The following GOLGA4 variants were observed in gnomAD, a reference collection of about 807,000 sequenced individuals.
GOLGA4 encodes the protein golgin A4, also known as golgin subfamily A member 4.
A neutral mutation model predicts 265.9 loss-of-function variants in GOLGA4; 169 were observed. The ratio of observed to expected loss-of-function variants is 0.64; its 90% CI spans 0.56 to 0.72. The LOEUF (loss-of-function observed/expected upper bound fraction) is 0.72. Among genes scored for constraint, GOLGA4 ranks in the 30% least tolerant of loss-of-function variants. GOLGA4 has a pLI of 0.00. For missense variants in GOLGA4, 2,482 were observed against 2,483.4 expected (o/e 1.00, Z 0.01); for synonymous variants, 923 against 855.8 (o/e 1.08, Z -1.37).
intron 22 of GOLGA4, among the ~76,000 whole-genome samples, chr3:37,355,914 C>G (rs1489606802): frequency 6.6e-6 from 1 of 151,956 alleles, no homozygotes; most frequent in Non-Finnish European, 1.5e-5. Context: ...CCCTTCTCCT[C>G]CCAATCTCTT....
chr3:37,342,071 G>C (rs999899680), intron 20 of GOLGA4, among the ~76,000 whole-genome samples: 1 of 152,052 alleles, frequency 6.6e-6, no homozygotes, highest in African/African-American at 2.4e-5. Flanking sequence ...GGCCGGGTGG[G>C]GTGGCTCATG....
intron 23 of GOLGA4, among the ~76,000 whole-genome samples, chr3:37,364,624 C>A (rs1384797085): frequency 6.8e-6 from 1 of 146,260 alleles, no homozygotes; most frequent in East Asian, 2.1e-4. Flanking sequence ...CCAGCATGGT[C>A]ACACCAGCCT....
At chr3:37,281,440 T>C (rs1480120320) in intron 2 of GOLGA4, among the ~76,000 whole-genome samples, 1 of 152,128 alleles carries the variant, frequency 6.6e-6, no homozygotes, top group Non-Finnish European at 1.5e-5. Context: ...CCAATTCCCC[T>C]CTTTTCTTGG....
intron 12 of GOLGA4, 32 bp from the exon 13 acceptor site, chr3:37,321,694 TGTGCG>T: frequency 6.4e-7 from 1 of 1,560,018 alleles, no homozygotes; most frequent in Non-Finnish European, 8.7e-7. Context: ...TGAAGATTTA[TGTGCG>T]TTTAAGGTGG....
At chr3:37,336,160 G>T (rs758788483) in intron 17 of GOLGA4, among the ~76,000 whole-genome samples, 1 of 152,074 alleles carries the variant, frequency 6.6e-6, no homozygotes, top group Non-Finnish European at 1.5e-5. Context: ...AAGCTGAGAG[G>T]ACCATTTTCT....
At chr3:37,347,532 G>A (rs1247302896) in intron 21 of GOLGA4, among the ~76,000 whole-genome samples, 3 of 152,016 alleles carry the variant, frequency 2.0e-5, no homozygotes, top group African/African-American at 4.8e-5. Context: ...AACACTGAAC[G>A]CTAAACATTA....
intron 10 of GOLGA4, among the ~76,000 whole-genome samples, chr3:37,308,571 G>A (rs1248809545): frequency 6.6e-6 from 1 of 150,700 alleles, no homozygotes; most frequent in Non-Finnish European, 1.5e-5. Flanking sequence ...TATTTATGTG[G>A]GTTATATGTA....
At chr3:37,275,448 T>C (rs939115992) in intron 2 of GOLGA4, among the ~76,000 whole-genome samples, 1 of 152,130 alleles carries the variant, frequency 6.6e-6, no homozygotes, top group African/African-American at 2.4e-5. Flanking sequence ...TTTCTATAAG[T>C]GCCATGAAGT....
intron 1 of GOLGA4, among the ~76,000 whole-genome samples, chr3:37,246,485 T>C (rs1281126084): frequency 3.3e-5 from 5 of 152,306 alleles, no homozygotes; most frequent in Non-Finnish European, 7.4e-5. Context: ...TTCAAGTACT[T>C]CTAAAACTTA....
At chr3:37,261,357 T>G (rs1040263837) in intron 2 of GOLGA4, among the ~76,000 whole-genome samples, 1 of 152,088 alleles carries the variant, frequency 6.6e-6, no homozygotes. Context: ...TAAAAAACAT[T>G]GAGACATGTA....
intron 1 of GOLGA4, among the ~76,000 whole-genome samples, chr3:37,247,847 C>T (rs549282594): frequency 6.6e-6 from 1 of 152,304 alleles, no homozygotes; most frequent in East Asian, 1.9e-4. Flanking sequence ...CTACCAGCAG[C>T]TCCTTGCCAC....
intron 6 of GOLGA4, among the ~76,000 whole-genome samples, chr3:37,295,698 C>A (rs1422814348): frequency 2.0e-5 from 3 of 152,138 alleles, no homozygotes; most frequent in African/African-American, 2.4e-5. Context: ...AAATAAAGTA[C>A]AATAAGCCAT....
At chr3:37,254,760 C>A (rs2096743829) in intron 2 of GOLGA4, among the ~76,000 whole-genome samples, 1 of 150,872 alleles carries the variant, frequency 6.6e-6, no homozygotes, top group Non-Finnish European at 1.5e-5. Context: ...CCTCGGCCTC[C>A]CAAAGTGCTG....
At chr3:37,256,069 G>T (rs2096747839) in intron 2 of GOLGA4, among the ~76,000 whole-genome samples, 1 of 152,164 alleles carries the variant, frequency 6.6e-6, no homozygotes, top group Admixed American at 6.5e-5. Flanking sequence ...ATGGTGTGAA[G>T]TAGGGATCAA....
chr3:37,296,381 A>C (rs1258684899), intron 7 of GOLGA4, among the ~76,000 whole-genome samples, 162 bp downstream of exon 7: 1 of 152,178 alleles, frequency 6.6e-6, no homozygotes, highest in Non-Finnish European at 1.5e-5. Flanking sequence ...ACCCTTCTCC[A>C]CAAGAAAAAC....
In GOLGA4 at chr3:37,296,242, G is replaced by C. The variant is rs745894338; in HGVS notation, c.814+23G>C. On this transcript the variant is annotated intron_variant, in intron 7 of 23. Transcript: ENST00000361924. ...TAGGTAAGCTTCATTTTGTCAAAAG[G>C]TTAATTTAAAAACTAGAGGAGAGCC... 1.9e-6 allele frequency: 3 copies of C among 1,612,428 alleles called. No individual in the cohort carries two copies. In the African/African-American group the frequency reaches 4.0e-5, roughly 22 times the overall value.
chr3:37,319,358 C>T, intron 12 of GOLGA4, 164 bp downstream of exon 12: 1 of 472,774 alleles, frequency 2.1e-6, no homozygotes, highest in South Asian at 3.9e-5. Flanking sequence ...AGCTTATTAG[C>T]TTGGTATTGT....
At chr3:37,259,635 C>T (rs1300061760) in intron 2 of GOLGA4, among the ~76,000 whole-genome samples, 2 of 152,110 alleles carry the variant, frequency 1.3e-5, no homozygotes, top group Admixed American at 1.3e-4. Context: ...GTTCCACTTT[C>T]TTGTTGCATA....
Position 37,325,379 on chromosome 3 carries a change from G to A in GOLGA4, c.3493G>A (p.Glu1165Lys). The A allele has an allele frequency of 1.2e-6, 2 of 1,613,152 alleles. No individual in the cohort carries two copies. The highest frequency in any genetic ancestry group is 4.5e-5 in the East Asian group (2 of 44,856). Residue 1165 changes from glutamate (E) to lysine (K), a missense_variant, in exon 14 of 24, where the codon GAA (glutamate) becomes AAA (lysine). Around this residue, in one of 3 missense-constraint regions of GOLGA4, gnomAD observed 1,536 missense variants for 1,483.7 expected, o/e 1.04. Coordinates refer to ENST00000361924, the MANE Select transcript of GOLGA4 (RefSeq NM_002078.5). ...EQLVELKMLA[E>K]EDKRKVSELT... ...GCTAGTTGAACTGAAGATGCTGGCA[G>A]AAGAAGATAAGCGGAAGGTTTCTGA...
Sources: allele counts gnomAD v4.1 joint callset (sites outside exome capture counted in the v4.1 genomes callset), GRCh38; gene constraint gnomAD v4.1.1; regional missense constraint gnomAD v4.1.1; transcripts MANE v1.5; gene names NCBI Gene and HGNC (gene_info 2026-07-23, HGNC 2026-07-21).